The following TYR variants were observed in gnomAD, a reference collection of about 807,000 sequenced individuals.
The protein encoded by TYR is LB24-AB.
A neutral mutation model predicts 51.5 loss-of-function variants in TYR; 58 were observed. That is an observed-to-expected ratio of 1.13 (90% CI 0.91 to 1.40). The LOEUF (loss-of-function observed/expected upper bound fraction) is 1.40. Ranked by LOEUF, TYR falls within the 40% of genes most tolerant of loss-of-function variation. The pLI, the probability that TYR is intolerant of heterozygous loss-of-function variation, is 0.00. For missense variants in TYR, 732 were observed against 647.4 expected (o/e 1.13, Z -1.42); for synonymous variants, 263 against 235.2 (o/e 1.12, Z -1.08).
At chr11:89,227,564 G>A (rs1943992148) in intron 2 of TYR, among the ~76,000 whole-genome samples, 2 of 152,198 alleles carry the variant, frequency 1.3e-5, no homozygotes, top group East Asian at 1.9e-4. Context: ...GAACAGGAGG[G>A]AACACAAATT....
chr11:89,289,786 C>T (rs1944835845), intron 4 of TYR, among the ~76,000 whole-genome samples: 1 of 151,848 alleles, frequency 6.6e-6, no homozygotes, highest in Non-Finnish European at 1.5e-5. Flanking sequence ...TGTCACAAGG[C>T]AGCAAAGAAA....
chr11:89,251,076 T>C (rs566287448), intron 3 of TYR, among the ~76,000 whole-genome samples: 2 of 152,018 alleles, frequency 1.3e-5, no homozygotes, highest in Admixed American at 1.3e-4. Flanking sequence ...TGAAATTTGC[T>C]GAAGAAATGA....
rs114393533 is a variant in TYR at position 89,219,385 on chromosome 11, C to A, written c.1037-8438C>A. Among the ~76,000 whole-genome samples, 496 of 150,640 alleles carry A rather than the reference C, an allele frequency of 3.3e-3. 1 individual carries two copies. The highest frequency in any genetic ancestry group is 0.012 in the African/African-American group (485 of 40,896). On this transcript the variant is annotated intron_variant, in intron 2 of 4. Coordinates refer to ENST00000263321, the MANE Select transcript of TYR (RefSeq NM_000372.5). ...GATCTTGGCTCTCTGCAACCTGTGT[C>A]TCCCAGGTTCAAACGATTCTCCTGC... is the stretch of plus-strand genomic sequence containing the variant.
At chr11:89,267,692 TG>T (rs1944541912) in intron 3 of TYR, among the ~76,000 whole-genome samples, 1 of 151,968 alleles carries the variant, frequency 6.6e-6, no homozygotes. Context: ...AGTGAACAGA[TG>T]AAGTTTTTAT....
At chr11:89,221,617 G>A (rs1943912770) in intron 2 of TYR, among the ~76,000 whole-genome samples, 1 of 152,150 alleles carries the variant, frequency 6.6e-6, no homozygotes, top group South Asian at 2.1e-4. Context: ...AAACCATTGT[G>A]CATAACCTTT....
chr11:89,230,009 C>T (rs970851835), intron 3 of TYR, among the ~76,000 whole-genome samples: 3 of 151,918 alleles, frequency 2.0e-5, no homozygotes, highest in African/African-American at 7.3e-5. Context: ...ATCAAAATAC[C>T]AAGACATTCT....
chr11:89,232,921 G>A lies in TYR; in HGVS notation c.1184+4951G>A, dbSNP rs1043252698. Among the ~76,000 whole-genome samples the A allele has an allele frequency of 3.5e-5, 5 of 142,744 alleles. 2 individuals are homozygous for A. Among genetic ancestry groups the A allele is most frequent in the African/African-American group, 1.4e-4 (5 of 35,976 alleles). The allele number at this position is 142,744 out of a possible 152,430, so 93.6% of individuals were successfully genotyped here. On this transcript the variant is annotated intron_variant, in intron 3 of 4. Transcript: ENST00000263321. Reference sequence around the variant, plus strand: ...ATTTTGATGGCTGCTGAATGATGAGGGTGATGGCTGCTGAAAGCTGGGGTG... The same window carrying A: ...ATTTTGATGGCTGCTGAATGATGAGAGTGATGGCTGCTGAAAGCTGGGGTG...
intron 2 of TYR, among the ~76,000 whole-genome samples, chr11:89,214,300 A>T (rs1214694141): frequency 6.6e-6 from 1 of 152,252 alleles, no homozygotes; most frequent in African/African-American, 2.4e-5. Context: ...ATCCCTGGTC[A>T]TCAGAGAAAT....
At chr11:89,257,411 G>T (rs1944406581) in intron 3 of TYR, among the ~76,000 whole-genome samples, 1 of 151,786 alleles carries the variant, frequency 6.6e-6, no homozygotes, top group African/African-American at 2.4e-5. Flanking sequence ...TGTCCCAAAA[G>T]CCATTTCTGA....
intron 3 of TYR, among the ~76,000 whole-genome samples, chr11:89,244,824 T>C (rs1565410911): frequency 6.6e-6 from 1 of 152,210 alleles, no homozygotes; most frequent in Non-Finnish European, 1.5e-5. Context: ...TATTAGACCA[T>C]GGGGATGAAG....
chr11:89,211,497 A>G (rs1435280238), intron 2 of TYR, among the ~76,000 whole-genome samples: 1 of 152,162 alleles, frequency 6.6e-6, no homozygotes, highest in Non-Finnish European at 1.5e-5. Context: ...CCATACAATA[A>G]TAGTGGGAGA....
chr11:89,244,295 A>G (rs1215185046), intron 3 of TYR, among the ~76,000 whole-genome samples: 3 of 151,742 alleles, frequency 2.0e-5, no homozygotes, highest in Non-Finnish European at 4.4e-5. Flanking sequence ...GATTGATTCA[A>G]TAAAGAGATC....
intron 1 of TYR, among the ~76,000 whole-genome samples, chr11:89,188,910 G>T (rs949265025): frequency 1.3e-5 from 2 of 151,930 alleles, no homozygotes; most frequent in African/African-American, 4.8e-5. Flanking sequence ...GTTTGCATCA[G>T]TCAGGATCTC....
intron 3 of TYR, among the ~76,000 whole-genome samples, chr11:89,275,225 A>C (rs1051962917): frequency 6.6e-6 from 1 of 151,930 alleles, no homozygotes; most frequent in Non-Finnish European, 1.5e-5. Flanking sequence ...CTGTCACGTA[A>C]GGTGAAATCA....
intron 3 of TYR, among the ~76,000 whole-genome samples, chr11:89,245,372 T>G (rs933255140): frequency 4.6e-5 from 7 of 152,216 alleles, no homozygotes; most frequent in African/African-American, 1.7e-4. Context: ...AGAGGTTAAG[T>G]AACCAGTACT....
intron 2 of TYR, chr11:89,192,133 A>T (rs1405420955): frequency 3.3e-6 from 1 of 307,568 alleles, no homozygotes; most frequent in East Asian, 1.2e-4. Context: ...ATTACATCTC[A>T]TGATCTTCTC....
intron 3 of TYR, among the ~76,000 whole-genome samples, chr11:89,230,315 T>A (rs1944030739): frequency 6.6e-6 from 1 of 152,050 alleles, no homozygotes; most frequent in African/African-American, 2.4e-5. Context: ...TTGGGGACAA[T>A]TGGATATCCA....
chr11:89,253,234 A>G (rs1441692621), intron 3 of TYR, among the ~76,000 whole-genome samples: 1 of 151,752 alleles, frequency 6.6e-6, no homozygotes, highest in African/African-American at 2.4e-5. Context: ...AGCATTGCAT[A>G]CAGGTGACAA....
intron 3 of TYR, among the ~76,000 whole-genome samples, chr11:89,252,734 C>T (rs1288215479): frequency 6.6e-6 from 1 of 151,556 alleles, no homozygotes; most frequent in Non-Finnish European, 1.5e-5. Flanking sequence ...AATAACTGGA[C>T]CATTGTAAAC....
Sources: gnomAD v4.1 joint callset for allele counts (sites outside exome capture counted in the v4.1 genomes callset) on GRCh38, gnomAD v4.1.1 for gene constraint, MANE v1.5 for transcripts, NCBI Gene and HGNC (gene_info 2026-07-23, HGNC 2026-07-21) for gene names.